The following RBM12 variants were observed in gnomAD, a reference collection of about 807,000 sequenced individuals.
RBM12 encodes RNA binding motif protein 12.
A neutral mutation model predicts 37.2 loss-of-function variants in RBM12; 24 were observed. The observed-to-expected ratio is 0.65, with a 90% CI of 0.47 to 0.91. The LOEUF is 0.91. Ranked by LOEUF, RBM12 falls within the 40% of genes least tolerant of loss-of-function variation. RBM12 has a pLI of 0.00. For synonymous variants in RBM12, 420 were observed against 425.2 expected (o/e 0.99, Z 0.15); for missense variants, 1,061 against 1,183.2 (o/e 0.90, Z 1.52).
chr20:35,652,799 C>A lies in RBM12; in HGVS notation c.2524G>T (p.Gly842Cys). ...GPGPGPIHIG[G>C]PPGFASSSGK... is the part of the protein sequence containing the mutation. ...GAACTAGATGCAAAGCCAGGGGGAC[C>A]ACCAATATGGATTGGGCCAGGGCCG... The change falls in exon 3 of 3, where the codon GGT becomes TGT. Residue 842 changes from glycine (G) to cysteine (C), a missense_variant. By Grantham distance (159) the Gly-to-Cys change is radical. Coordinates refer to ENST00000374114, the MANE Select transcript of RBM12 (RefSeq NM_006047.6). The A allele has an allele frequency of 1.9e-6, 3 of 1,608,582 alleles. No individual in the cohort carries two copies. The highest frequency in any genetic ancestry group is 2.2e-5 in the South Asian group (2 of 90,518).
rs1356970733 is a variant in RBM12 at position 35,651,104 on chromosome 20, A to G, written c.*1420T>C. Reference sequence around the variant, plus strand: ...TCACAAGGAAAGTAACCATAATTAGAGCCTTTTATGACAGTGAGAAAATTT... The same window carrying G: ...TCACAAGGAAAGTAACCATAATTAGGGCCTTTTATGACAGTGAGAAAATTT... On this transcript the variant is annotated 3_prime_UTR_variant, in exon 3 of 3. Transcript: ENST00000374114. 6.6e-6 allele frequency: 1 copy of G among 152,208 alleles called. No individual in the cohort carries two copies. Among genetic ancestry groups the G allele is most frequent in the Non-Finnish European group, 1.5e-5 (1 of 68,024 alleles). 9.4% of individuals were successfully genotyped at this position (152,208 alleles called of 1,614,324 possible).
intron 2 of RBM12, 120 bp from the exon 3 acceptor site, chr20:35,655,464 C>T: frequency 1.2e-6 from 1 of 816,742 alleles, no homozygotes; most frequent in Non-Finnish European, 1.9e-6. Context: ...CTATCACAGG[C>T]AATGTCTTTA....
chr20:35,661,335 G>C (rs2034220281), intron 1 of RBM12, among the ~76,000 whole-genome samples: 2 of 152,188 alleles, frequency 1.3e-5, no homozygotes, highest in East Asian at 1.9e-4. Context: ...GTCAGCTAGC[G>C]ACTGAATGCA....
At position 35,649,770 on chromosome 20, in the gene RBM12, T is replaced by C. The variant is rs551881535; in HGVS notation, c.*2754A>G. ...AAAATGAACACCAATAAAAAAAAAA[T>C]CAGAAGGGAGAGGAAAAAAAATTAA... On this transcript the variant is annotated 3_prime_UTR_variant, in exon 3 of 3. Coordinates refer to ENST00000374114, the MANE Select transcript of RBM12 (RefSeq NM_006047.6). 6.6e-6 allele frequency: 1 copy of C among 151,596 alleles called. No homozygotes were observed. The highest frequency in any genetic ancestry group is 6.6e-5 in the Admixed American group (1 of 15,196). The allele number at this position is 151,596 out of a possible 1,614,324, so 9.4% of individuals were successfully genotyped here. A position where few individuals can be genotyped will look rare whatever the true frequency, so the allele number is the denominator to read the frequency against.
Position 35,650,190 on chromosome 20 carries a change from TTG to T in RBM12, c.*2332_*2333del, listed in dbSNP as rs994577655. On this transcript the variant is annotated 3_prime_UTR_variant, in exon 3 of 3. Coordinates refer to ENST00000374114, the MANE Select transcript of RBM12 (RefSeq NM_006047.6). ...TAATTACAGTCCACAACGAGCACTG[TTG>T]TGATTCATATAAAACATAGTTCTCT... 7 of 152,560 alleles carry T rather than the reference TTG, an allele frequency of 4.6e-5. No individual in the cohort carries two copies. The highest frequency in any genetic ancestry group is 1.7e-4 in the African/African-American group (7 of 41,466). The allele number at this position is 152,560 out of a possible 1,614,324, so 9.5% of individuals were successfully genotyped here. A position where few individuals can be genotyped will look rare whatever the true frequency, so the allele number is the denominator to read the frequency against.
At position 35,652,593 on chromosome 20, in the gene RBM12, G is replaced by A. The variant is rs773283167; in HGVS notation, c.2730C>T (p.Ala910=). 1 of 1,614,126 alleles carries A rather than the reference G, an allele frequency of 6.2e-7. No individual in the cohort carries two copies. The highest frequency in any genetic ancestry group is 1.7e-5 in the Admixed American group (1 of 60,024). ...CATTTAAGTCAATGACAGCAGCTGT[G>A]GCTTCATCCCGAGACTCAAAGGCCA... is the stretch of plus-strand genomic sequence containing the variant. ...AMVAFESRDE[A]TAAVIDLNDR... is the part of the protein sequence containing the mutation. Residue 910 remains alanine (A), a synonymous_variant, in exon 3 of 3, where the codon GCC becomes GCT. Coordinates refer to ENST00000374114, the MANE Select transcript of RBM12 (RefSeq NM_006047.6).
intron 2 of RBM12, among the ~76,000 whole-genome samples, chr20:35,656,863 G>T (rs2033930683): frequency 6.8e-6 from 1 of 147,078 alleles, no homozygotes. Context: ...CCTCAGAAAG[G>T]TTATAAATTA....
Position 35,654,938 on chromosome 20 carries a change from GATT to G in RBM12, c.382_384del (p.Asn128del). 6.2e-7 allele frequency: 1 copy of G among 1,614,132 alleles called. No homozygotes were observed. Among genetic ancestry groups the G allele is most frequent in the Non-Finnish European group, 8.5e-7 (1 of 1,180,012 alleles). Reference sequence around the variant, plus strand: ...GTGGCAGTAACTACACTGGGTGATGGATTATTAAAGTTGGATACTGTTGTGGGC... The same window carrying G: ...GTGGCAGTAACTACACTGGGTGATGGATTAAAGTTGGATACTGTTGTGGGC... On this transcript the variant is annotated inframe_deletion, in exon 3 of 3. Coordinates refer to ENST00000374114, the MANE Select transcript of RBM12 (RefSeq NM_006047.6).
chr20:35,652,824 G>GGGCCA lies in RBM12; in HGVS notation c.2498_2499insTGGCC (p.Gly836AlafsTer24), dbSNP rs1568933638. ...CACCAATATGGATTGGGCCAGGGCCGGGGCCGGGGCCGGGGCCAGGCCCAA... is the reference window on the plus strand; with the variant it reads ...CACCAATATGGATTGGGCCAGGGCCGGGCCAGGGCCGGGGCCGGGGCCAGGCCCAA... On this transcript the variant is annotated frameshift_variant, in exon 3 of 3. Transcript: ENST00000374114. LOFTEE classifies it high-confidence loss of function. 1.3e-6 allele frequency: 2 copies of GGGCCA among 1,593,460 alleles called. No individual in the cohort carries two copies. Among genetic ancestry groups the GGGCCA allele is most frequent in the Admixed American group, 3.6e-5 (2 of 55,406 alleles).
At chr20:35,658,376 T>C (rs2034025209) in intron 2 of RBM12, among the ~76,000 whole-genome samples, 1 of 152,130 alleles carries the variant, frequency 6.6e-6, no homozygotes, top group Non-Finnish European at 1.5e-5. Flanking sequence ...AATCACAAGA[T>C]AAATAGATCC....
In RBM12 at chr20:35,654,084, C is replaced by T. The variant is rs757398218; in HGVS notation, c.1239G>A (p.Ser413=). 1.7e-5 allele frequency: 28 copies of T among 1,614,018 alleles called. No individual in the cohort carries two copies. In the South Asian group the frequency reaches 2.9e-4, roughly 16 times the overall value. The change falls in exon 3 of 3, where the codon TCG becomes TCA. Residue 413 remains serine, a synonymous_variant. Transcript: ENST00000374114. ...ACCTTGATCTTTTCTGCCCACTGGGCGATTTTGACCTGGGAAGTGTCTGAG... is the reference window on the plus strand; with the variant it reads ...ACCTTGATCTTTTCTGCCCACTGGGTGATTTTGACCTGGGAAGTGTCTGAG... ...PPPQTLPRSK[S]PSGQKRSRSR...
At position 35,653,270 on chromosome 20, in the gene RBM12, C is replaced by T; in HGVS notation, c.2053G>A (p.Ala685Thr). The T allele has an allele frequency of 6.2e-7, 1 of 1,613,596 alleles. No homozygotes were observed. The highest frequency in any genetic ancestry group is 1.3e-5 in the African/African-American group (1 of 75,056). ...GGCATTCCCGCACCAGGCAGTCCTG[C>T]ACTGGTTATTGCTGAACCAGGCAGT... ...TGLPGSAITS[A>T]GLPGAGMPSA... The change falls in exon 3 of 3, where the codon GCA becomes ACA. Residue 685 changes from alanine to threonine, a missense_variant. By Grantham distance (58) the Ala-to-Thr change is moderately conservative. Around this residue, in one of 3 missense-constraint regions of RBM12, gnomAD observed 517 missense variants for 534.0 expected, o/e 0.97. Transcript: ENST00000374114.
intron 1 of RBM12, 112 bp from the exon 2 acceptor site, chr20:35,659,126 T>G: frequency 2.5e-6 from 1 of 402,788 alleles, no homozygotes; most frequent in Non-Finnish European, 4.4e-6. Context: ...AGTACTTCAT[T>G]AGAATGCATA....
At chr20:35,660,947 G>A (rs2034200881) in intron 1 of RBM12, among the ~76,000 whole-genome samples, 9 of 152,174 alleles carry the variant, frequency 5.9e-5, no homozygotes, top group Admixed American at 5.9e-4. Context: ...AAGGTTACCA[G>A]AAATTACCTT....
intron 2 of RBM12, among the ~76,000 whole-genome samples, chr20:35,656,182 T>A (rs7261284): frequency 0.1 from 15,284 of 152,220 alleles, 805 homozygotes; most frequent in South Asian, 0.15. Flanking sequence ...TTTAATAAAA[T>A]TTTTTAAAGT....
At position 35,655,263 on chromosome 20, in the gene RBM12, G is replaced by A. The variant is rs759366778; in HGVS notation, c.60C>T (p.Arg20=). Residue 20 remains arginine, a synonymous_variant, in exon 3 of 3, where the codon CGC becomes CGT. Transcript: ENST00000374114. ...LPIVAGTMDI[R]HFFSGLTIPD... ...GAATGGTCAATCCAGAGAAGAAGTG[G>A]CGAATGTCCATGGTCCCCGCCACAA... The A allele has an allele frequency of 1.2e-5, 20 of 1,612,690 alleles. No individual in the cohort carries two copies. The highest frequency in any genetic ancestry group is 1.7e-5 in the Admixed American group (1 of 59,976).
intron 1 of RBM12, 124 bp from the exon 2 acceptor site, chr20:35,659,138 CAA>C (rs370328377): frequency 0.048 from 12,805 of 265,374 alleles, no homozygotes; most frequent in Middle Eastern, 0.077. Context: ...GAATGCATAT[CAA>C]AAAAAAAAAA....
Position 35,653,887 on chromosome 20 carries a change from C to A in RBM12, c.1436G>T (p.Arg479Ile), listed in dbSNP as rs146210786. Residue 479 changes from arginine to isoleucine, a missense_variant, in exon 3 of 3, where the codon AGA becomes ATA. Physicochemically the swap from Arg to Ile is moderately conservative, Grantham distance 97 (BLOSUM62 -3). This residue lies in a region of RBM12 where 540 missense variants were observed against 632.7 expected (regional missense o/e 0.85). Coordinates refer to ENST00000374114, the MANE Select transcript of RBM12 (RefSeq NM_006047.6). ...AGCAGCCTTATAGTCAGCCTCATTT[C>A]TGAACTCTACAAAGCCTTCGCCAGT... ...KATGEGFVEFRNEADYKAALC... is the reference protein window; with the variant it reads ...KATGEGFVEFINEADYKAALC... 11 of 1,614,144 alleles carry A rather than the reference C, an allele frequency of 6.8e-6. No individual in the cohort carries two copies. The highest frequency in any genetic ancestry group is 3.3e-4 in the Middle Eastern group (2 of 6,062).
chr20:35,662,429 T>C (rs2034282334), intron 1 of RBM12, among the ~76,000 whole-genome samples: 1 of 152,252 alleles, frequency 6.6e-6, no homozygotes. Context: ...GTAGTTTAGA[T>C]AAAATTATCT....
Sources: gnomAD v4.1 joint callset for allele counts (sites outside exome capture counted in the v4.1 genomes callset) on GRCh38, gnomAD v4.1.1 for gene constraint, gnomAD v4.1.1 regional missense constraint, MANE v1.5 for transcripts, NCBI Gene and HGNC (gene_info 2026-07-23, HGNC 2026-07-21) for gene names.